MGAT5: variants seen among roughly 807,000 people sequenced by gnomAD.
MGAT5 encodes the protein alpha-1,6-mannosylglycoprotein 6-beta-N-acetylglucosaminyltransferase A.
MGAT5 carries 30 observed loss-of-function variants against 94.3 expected under a neutral mutation model. The observed-to-expected ratio is 0.32, with a 90% CI of 0.24 to 0.43. The LOEUF is 0.43. MGAT5 is among the 20% of genes least tolerant of loss of function. The pLI is 1.00. For missense variants in MGAT5, 691 were observed against 905.5 expected (o/e 0.76, Z 3.04); for synonymous variants, 310 against 322.9 (o/e 0.96, Z 0.43).
At chr2:134,402,851 A>T (rs1285264650) in intron 10 of MGAT5, 137 bp from the exon 11 acceptor site, 1 of 809,140 alleles carries the variant, frequency 1.2e-6, no homozygotes, top group Non-Finnish European at 1.8e-6. Flanking sequence ...TAGCAGTTTG[A>T]TTGCCAAATT....
In MGAT5 at chr2:134,234,208, G is replaced by C. The variant is rs1046177494; in HGVS notation, c.-142-20054G>C. On this transcript the variant is annotated intron_variant, in intron 1 of 16. Transcript: ENST00000409645. The stretch of plus-strand genomic sequence containing the variant: ...GGGGCTGAGAAGGAAGCCGGGGATT[G>C]GGGGCAGGGGTTGGTGGGAGTCAAG... 6.2e-4 allele frequency among the ~76,000 whole-genome samples: 95 copies of C among 152,318 alleles called. 1 individual carries two copies. Among genetic ancestry groups the C allele is most frequent in the South Asian group, 1.2e-3 (6 of 4,828 alleles).
Position 134,254,508 on chromosome 2 carries a change from G to T in MGAT5, c.105G>T (p.Gln35His). ...WGMMLLHFTI[Q>H]QRTQPESSSM... is the part of the protein sequence containing the mutation. ...TGATGCTTCTGCACTTTACCATCCA[G>T]CAGCGAACTCAGCCTGAAAGCAGCT... is the stretch of plus-strand genomic sequence containing the variant. The change falls in exon 1 of 16, where the codon CAG becomes CAT. Residue 35 changes from glutamine to histidine, a missense_variant. Gln to His is a conservative substitution (Grantham distance 24, BLOSUM62 0). Coordinates refer to ENST00000281923, the MANE Select transcript of MGAT5 (RefSeq NM_002410.5). 1.2e-6 allele frequency: 2 copies of T among 1,614,208 alleles called. No individual in the cohort carries two copies. Among genetic ancestry groups the T allele is most frequent in the Non-Finnish European group, 1.7e-6 (2 of 1,180,024 alleles).
At chr2:134,228,249 A>G (rs560040246) in intron 1 of MGAT5, among the ~76,000 whole-genome samples, 48 of 152,308 alleles carry the variant, frequency 3.2e-4, no homozygotes, top group Non-Finnish European at 5.7e-4. Flanking sequence ...TGTTTCTTGG[A>G]AGGGGAAAGT....
chr2:134,354,561 T>G (rs1679603727), intron 9 of MGAT5, among the ~76,000 whole-genome samples: 1 of 152,198 alleles, frequency 6.6e-6, no homozygotes, highest in Non-Finnish European at 1.5e-5. Flanking sequence ...CTAACTCGTT[T>G]CCTAAGTTGG....
At chr2:134,171,556 G>A (rs904847156) in intron 1 of MGAT5, among the ~76,000 whole-genome samples, 5 of 152,174 alleles carry the variant, frequency 3.3e-5, no homozygotes, top group African/African-American at 7.2e-5. Context: ...TCTGGGTGTC[G>A]AAGTGATAGG....
At chr2:134,172,544 G>C (rs530222863) in intron 1 of MGAT5, among the ~76,000 whole-genome samples, 4 of 151,996 alleles carry the variant, frequency 2.6e-5, no homozygotes, top group Non-Finnish European at 5.9e-5. Context: ...CCACCACCAC[G>C]CCCAGCTAAT....
At chr2:134,190,573 T>C (rs920165654) in intron 1 of MGAT5, among the ~76,000 whole-genome samples, 10 of 152,224 alleles carry the variant, frequency 6.6e-5, no homozygotes, top group Non-Finnish European at 1.0e-4. Flanking sequence ...GAGGATTTGA[T>C]TGGAGCCCAA....
At position 134,454,517 on chromosome 2, in the gene MGAT5, G is replaced by A. The variant is rs766313474; in HGVS notation, c.*5670G>A. On this transcript the variant is annotated 3_prime_UTR_variant, in exon 16 of 16. Coordinates refer to ENST00000281923, the MANE Select transcript of MGAT5 (RefSeq NM_002410.5). ...TGCAGGATTCTGCAAACAAGGTGTC[G>A]CCGTCCAAATGTACTGTCCTGGCAT... 2 of 152,186 alleles carry A rather than the reference G, an allele frequency of 1.3e-5. No homozygotes were observed. Among genetic ancestry groups the A allele is most frequent in the East Asian group, 1.9e-4 (1 of 5,200 alleles). 9.4% of individuals were successfully genotyped at this position (152,186 alleles called of 1,614,324 possible). A position where few individuals can be genotyped will look rare whatever the true frequency, so the allele number is the denominator to read the frequency against.
chr2:134,343,055 T>G (rs753026553), intron 7 of MGAT5, among the ~76,000 whole-genome samples: 2 of 152,050 alleles, frequency 1.3e-5, no homozygotes, highest in African/African-American at 2.4e-5. Context: ...CATAACTATT[T>G]ATAGAATGAA....
At chr2:134,312,644 C>T (rs557234321) in intron 2 of MGAT5, among the ~76,000 whole-genome samples, 1 of 152,266 alleles carries the variant, frequency 6.6e-6, no homozygotes, top group South Asian at 2.1e-4. Flanking sequence ...TTGCCGGGTA[C>T]TTCATTCACT....
intron 8 of MGAT5, among the ~76,000 whole-genome samples, chr2:134,348,743 G>T (rs1190478465): frequency 1.3e-5 from 2 of 152,148 alleles, no homozygotes; most frequent in African/African-American, 4.8e-5. Flanking sequence ...AAATAGAGCT[G>T]CTTTTATTGG....
intron 2 of MGAT5, among the ~76,000 whole-genome samples, chr2:134,315,669 C>T (rs547872144): frequency 2.6e-5 from 4 of 152,324 alleles, no homozygotes; most frequent in Admixed American, 6.5e-5. Context: ...TGGTATCTGC[C>T]ATTGGGCCTG....
intron 15 of MGAT5, among the ~76,000 whole-genome samples, chr2:134,442,198 T>C (rs1181303635): frequency 6.6e-6 from 1 of 152,094 alleles, no homozygotes; most frequent in Non-Finnish European, 1.5e-5. Flanking sequence ...TTGAAGATTG[T>C]GGGAGGTGTT....
At chr2:134,346,985 G>A (rs1410559849) in intron 8 of MGAT5, among the ~76,000 whole-genome samples, 1 of 152,152 alleles carries the variant, frequency 6.6e-6, no homozygotes, top group Non-Finnish European at 1.5e-5. Flanking sequence ...GAGGTATTTG[G>A]CATGGCTGCT....
intron 1 of MGAT5, among the ~76,000 whole-genome samples, chr2:134,179,924 A>T (rs1688656846): frequency 6.6e-6 from 1 of 152,170 alleles, no homozygotes; most frequent in Non-Finnish European, 1.5e-5. Context: ...ATCCCACCAA[A>T]ACCAAGATGG....
intron 1 of MGAT5, among the ~76,000 whole-genome samples, chr2:134,149,197 C>T (rs776918817): frequency 2.6e-5 from 4 of 152,122 alleles, no homozygotes; most frequent in Non-Finnish European, 5.9e-5. Flanking sequence ...TGAGGTCAGG[C>T]CCAGGCAAGT....
At chr2:134,393,186 G>A (rs575749720) in intron 10 of MGAT5, among the ~76,000 whole-genome samples, 8 of 152,326 alleles carry the variant, frequency 5.3e-5, no homozygotes, top group Admixed American at 2.6e-4. Flanking sequence ...TAAGAAGTTA[G>A]TCAGAGAACT....
At chr2:134,124,611 C>T (rs1441721356) in intron 1 of MGAT5, among the ~76,000 whole-genome samples, 1 of 152,202 alleles carries the variant, frequency 6.6e-6, no homozygotes, top group East Asian at 1.9e-4. Flanking sequence ...GGCATTAATG[C>T]CTGCTGGACC....
intron 1 of MGAT5, among the ~76,000 whole-genome samples, chr2:134,185,388 G>C (rs1228301596): frequency 6.6e-6 from 1 of 152,168 alleles, no homozygotes; most frequent in Non-Finnish European, 1.5e-5. Context: ...GTGTCTCAGA[G>C]AAAATGCTTG....
Sources: gnomAD v4.1 joint callset for allele counts (sites outside exome capture counted in the v4.1 genomes callset) on GRCh38, gnomAD v4.1.1 for gene constraint, MANE v1.5 for transcripts, NCBI Gene and HGNC (gene_info 2026-07-23, HGNC 2026-07-21) for gene names.